The following DNAL1 variants were observed in gnomAD, a reference collection of about 807,000 sequenced individuals.
DNAL1 encodes the protein chromosome 14 open reading frame 168.
A neutral mutation model predicts 29.4 loss-of-function variants in DNAL1; 17 were observed. The observed-to-expected ratio is 0.58, with a 90% CI of 0.40 to 0.87. DNAL1 has a LOEUF of 0.87. Among genes scored for constraint, DNAL1 ranks in the 40% least tolerant of loss-of-function variants. The pLI is 0.00. For synonymous variants in DNAL1, 78 were observed against 76.3 expected, an observed-to-expected ratio of 1.02 and a Z score of -0.12; for missense variants, 188 against 214.1, an observed-to-expected ratio of 0.88 and a Z score of 0.76.
At chr14:73,645,156 G>A (rs1430406926) in intron 1 of DNAL1, 114 bp downstream of exon 1, 2 of 1,530,000 alleles carry the variant, frequency 1.3e-6, no homozygotes, top group East Asian at 2.4e-5. Flanking sequence ...GGAGCCGGTA[G>A]CTGACGCTAG....
At chr14:73,654,716 GC>G in intron 1 of DNAL1, 130 bp from the exon 2 acceptor site, 1 of 745,428 alleles carries the variant, frequency 1.3e-6, no homozygotes, top group East Asian at 3.3e-5. Context: ...CGGAAATCAT[GC>G]CATTGCACTC....
intron 5 of DNAL1, among the ~76,000 whole-genome samples, chr14:73,682,485 G>C (rs147480061): frequency 1.3e-5 from 2 of 150,558 alleles, no homozygotes; most frequent in Non-Finnish European, 3.0e-5. Flanking sequence ...CACTGCGCCC[G>C]GCCAACTTTT....
chr14:73,654,696 T>A (rs983530848), intron 1 of DNAL1, 151 bp from the exon 2 acceptor site: 2 of 588,548 alleles, frequency 3.4e-6, no homozygotes, highest in African/African-American at 3.9e-5. Flanking sequence ...GAGGCAGAGG[T>A]TGTGGTGAGC....
intron 7 of DNAL1, among the ~76,000 whole-genome samples, chr14:73,689,961 G>A (rs929345876): frequency 2.6e-5 from 4 of 151,286 alleles, no homozygotes; most frequent in African/African-American, 7.3e-5. Context: ...ACTTGAACTC[G>A]GCAGGCGGAG....
At chr14:73,671,508 T>C in intron 4 of DNAL1, 34 bp from the exon 5 acceptor site, 26 of 1,422,812 alleles carry the variant, frequency 1.8e-5, no homozygotes, top group Non-Finnish European at 2.4e-5. Flanking sequence ...AATATGATTC[T>C]AGTAAACAAA....
intron 5 of DNAL1, among the ~76,000 whole-genome samples, chr14:73,672,047 A>G (rs1328051816): frequency 2.0e-5 from 3 of 152,158 alleles, no homozygotes; most frequent in Non-Finnish European, 2.9e-5. Flanking sequence ...TCCCCTCCCA[A>G]TAAATCTAGC....
intron 4 of DNAL1, among the ~76,000 whole-genome samples, chr14:73,663,674 A>G (rs1396656501): frequency 6.6e-6 from 1 of 152,180 alleles, no homozygotes; most frequent in Non-Finnish European, 1.5e-5. Context: ...TGGTCTCATT[A>G]TCTAAGGTGT....
At chr14:73,678,365 G>A (rs1175548305) in intron 5 of DNAL1, among the ~76,000 whole-genome samples, 1 of 151,870 alleles carries the variant, frequency 6.6e-6, no homozygotes, top group African/African-American at 2.4e-5. Flanking sequence ...TATTGTTGTT[G>A]TAATTATCAT....
intron 6 of DNAL1, among the ~76,000 whole-genome samples, chr14:73,688,031 T>C (rs1892064375): frequency 1.3e-5 from 2 of 151,288 alleles, no homozygotes; most frequent in African/African-American, 2.4e-5. Flanking sequence ...AAAAAAAAAT[T>C]AGGATGAACG....
chr14:73,669,811 C>T (rs1015300976), intron 4 of DNAL1, among the ~76,000 whole-genome samples: 3 of 152,060 alleles, frequency 2.0e-5, no homozygotes, highest in East Asian at 1.9e-4. Flanking sequence ...ATGAATTTTC[C>T]GGGGGACACA....
chr14:73,664,866 A>T (rs1315486668), intron 4 of DNAL1, among the ~76,000 whole-genome samples: 1 of 152,130 alleles, frequency 6.6e-6, no homozygotes, highest in African/African-American at 2.4e-5. Flanking sequence ...GTCTAAAAAA[A>T]AAAATAAAAA....
chr14:73,688,165 T>C (rs1329903232), intron 6 of DNAL1, among the ~76,000 whole-genome samples: 1 of 152,186 alleles, frequency 6.6e-6, no homozygotes, highest in Non-Finnish European at 1.5e-5. Flanking sequence ...CTATGTTACT[T>C]TGCTTTTTTA....
At chr14:73,675,523 G>C (rs1891711723) in intron 5 of DNAL1, among the ~76,000 whole-genome samples, 1 of 151,208 alleles carries the variant, frequency 6.6e-6, no homozygotes, top group South Asian at 2.1e-4. Flanking sequence ...GTACAGGCTG[G>C]TCTTGAACTC....
chr14:73,661,109 A>C (rs1229881690), intron 3 of DNAL1, among the ~76,000 whole-genome samples: 3 of 151,914 alleles, frequency 2.0e-5, no homozygotes, highest in Non-Finnish European at 2.9e-5. Flanking sequence ...GGTCGCAGTG[A>C]ACTGAGATCA....
intron 2 of DNAL1, among the ~76,000 whole-genome samples, chr14:73,655,760 G>A (rs1471297217): frequency 6.6e-6 from 1 of 151,992 alleles, no homozygotes; most frequent in Admixed American, 6.6e-5. Context: ...GCCTCGTGGA[G>A]GTTAGTACAG....
At chr14:73,654,207 A>G (rs1371235096) in intron 1 of DNAL1, among the ~76,000 whole-genome samples, 4 of 152,218 alleles carry the variant, frequency 2.6e-5, no homozygotes, top group African/African-American at 9.6e-5. Context: ...GTAGATCCTT[A>G]GAATCAATGA....
At chr14:73,677,778 C>T (rs1451434970) in intron 5 of DNAL1, among the ~76,000 whole-genome samples, 2 of 150,876 alleles carry the variant, frequency 1.3e-5, no homozygotes, top group South Asian at 4.2e-4. Flanking sequence ...AGGATGGTCT[C>T]GATCTCCTGA....
At chr14:73,669,669 A>T (rs1191615506) in intron 4 of DNAL1, among the ~76,000 whole-genome samples, 1 of 152,100 alleles carries the variant, frequency 6.6e-6, no homozygotes, top group East Asian at 1.9e-4. Context: ...GCATCAAATG[A>T]TACTCCCACT....
chr14:73,689,151 A>C (rs1191034013), intron 6 of DNAL1, among the ~76,000 whole-genome samples: 1 of 147,514 alleles, frequency 6.8e-6, no homozygotes, highest in Non-Finnish European at 1.5e-5. Flanking sequence ...CTCCTGCCTC[A>C]GCCTCCTGAG....
Sources: allele counts gnomAD v4.1 joint callset (sites outside exome capture counted in the v4.1 genomes callset), GRCh38; gene constraint gnomAD v4.1.1; transcripts MANE v1.5; gene names NCBI Gene and HGNC (gene_info 2026-07-23, HGNC 2026-07-21).